Variants in VPS13B observed in about 807,000 individuals in gnomAD.
VPS13B encodes vacuolar protein sorting 13 homolog B.
A neutral mutation model predicts 426.4 loss-of-function variants in VPS13B; 285 were observed. The observed-to-expected ratio is 0.67, with a 90% CI of 0.61 to 0.74. The LOEUF (loss-of-function observed/expected upper bound fraction) is 0.74. VPS13B is among the 30% of genes least tolerant of loss of function. The pLI, the probability that VPS13B is intolerant of heterozygous loss-of-function variation, is 0.00. For synonymous variants in VPS13B, 1,676 were observed against 1,676.4 expected (o/e 1.00, Z 0.01); for missense variants, 4,537 against 4,782.6 (o/e 0.95, Z 1.51).
At chr8:99,221,600 T>C (rs1375413843) in intron 17 of VPS13B, among the ~76,000 whole-genome samples, 1 of 152,230 alleles carries the variant, frequency 6.6e-6, no homozygotes, top group African/African-American at 2.4e-5. Flanking sequence ...TTTAAATTCT[T>C]TTAGCTAATA....
intron 33 of VPS13B, among the ~76,000 whole-genome samples, chr8:99,598,060 A>G (rs1245669280): frequency 1.3e-5 from 2 of 152,200 alleles, no homozygotes; most frequent in African/African-American, 4.8e-5. Flanking sequence ...TTTGAGGGAG[A>G]CAGATAGGTT....
At chr8:99,645,937 C>T (rs948149858) in intron 34 of VPS13B, among the ~76,000 whole-genome samples, 1 of 152,016 alleles carries the variant, frequency 6.6e-6, no homozygotes, top group African/African-American at 2.4e-5. Flanking sequence ...AGATAGTAAC[C>T]TTAAGGATAA....
chr8:99,379,204 C>G (rs934676655), intron 19 of VPS13B, among the ~76,000 whole-genome samples: 1 of 152,172 alleles, frequency 6.6e-6, no homozygotes, highest in African/African-American at 2.4e-5. Flanking sequence ...CTCCACCCCC[C>G]AAATCCGTGG....
chr8:99,202,085 T>G (rs1814365678), intron 17 of VPS13B, among the ~76,000 whole-genome samples: 1 of 152,228 alleles, frequency 6.6e-6, no homozygotes. Context: ...TGGAAGTTGT[T>G]CTAGGATATA....
At chr8:99,675,227 T>C (rs898877251) in intron 35 of VPS13B, among the ~76,000 whole-genome samples, 1 of 152,166 alleles carries the variant, frequency 6.6e-6, no homozygotes, top group African/African-American at 2.4e-5. Context: ...TGCAGGTTAG[T>C]TAATTAGTTT....
intron 25 of VPS13B, among the ~76,000 whole-genome samples, chr8:99,487,542 C>G (rs1385793465): frequency 6.6e-6 from 1 of 152,150 alleles, no homozygotes; most frequent in African/African-American, 2.4e-5. Flanking sequence ...TAACCACTAT[C>G]TATTTCTAGA....
chr8:99,467,731 C>A, intron 24 of VPS13B, 97 bp downstream of exon 24: 1 of 1,298,078 alleles, frequency 7.7e-7, no homozygotes, highest in Non-Finnish European at 1.1e-6. Context: ...TCTTGAGTAT[C>A]CTAAATTATT....
chr8:99,621,792 T>TTTTG (rs995687549), intron 33 of VPS13B, among the ~76,000 whole-genome samples: 2 of 151,712 alleles, frequency 1.3e-5, no homozygotes, highest in African/African-American at 2.4e-5. Context: ...TCATTCCTTT[T>TTTTG]TTTGTTTGTT....
chr8:99,060,614 CA>C (rs11413404), intron 3 of VPS13B, among the ~76,000 whole-genome samples: 41 of 148,580 alleles, frequency 2.8e-4, no homozygotes, highest in East Asian at 1.4e-3. Flanking sequence ...ATCTCAAAAA[CA>C]AAAAAAAAAA....
intron 10 of VPS13B, 49 bp downstream of exon 10, chr8:99,135,186 A>T: frequency 1.2e-6 from 2 of 1,609,372 alleles, no homozygotes; most frequent in Non-Finnish European, 1.7e-6. Context: ...AGGAATAATT[A>T]AGTGCTTACT....
intron 19 of VPS13B, among the ~76,000 whole-genome samples, chr8:99,369,855 A>G (rs1276120266): frequency 1.3e-5 from 2 of 152,122 alleles, no homozygotes; most frequent in African/African-American, 4.8e-5. Flanking sequence ...CAGTGATTCT[A>G]TATTTTTTAT....
intron 17 of VPS13B, among the ~76,000 whole-genome samples, chr8:99,262,455 G>C (rs1460898881): frequency 6.6e-6 from 1 of 152,006 alleles, no homozygotes; most frequent in African/African-American, 2.4e-5. Context: ...GAACTAACTA[G>C]CTTTCTTGGT....
chr8:99,855,760 C>A (rs1470232522), intron 56 of VPS13B, among the ~76,000 whole-genome samples: 1 of 152,190 alleles, frequency 6.6e-6, no homozygotes, highest in Non-Finnish European at 1.5e-5. Context: ...TATCTAGACT[C>A]TTTTATAAAA....
rs1235245438 is a variant in VPS13B, at chr8:99,577,567, T to G, written c.5154T>G (p.Val1718=). The G allele has an allele frequency of 1.2e-6, 2 of 1,613,774 alleles. No individual in the cohort carries two copies. Among genetic ancestry groups the G allele is most frequent in the Non-Finnish European group, 1.7e-6 (2 of 1,179,804 alleles). The part of the protein sequence containing the change: ...NLDFFLSVAQ[V]QLLHQLIVAN... Reference sequence around the variant, plus strand: ...ACTTCTTCCTAAGTGTGGCTCAAGTTCAACTCTTACATCAGTTAATAGTAG... The same window carrying G: ...ACTTCTTCCTAAGTGTGGCTCAAGTGCAACTCTTACATCAGTTAATAGTAG... Residue 1718 remains valine (V), a synonymous_variant, in exon 33 of 62, where the codon GTT becomes GTG. Transcript: ENST00000357162.
chr8:99,328,256 C>T (rs933426230), intron 19 of VPS13B, among the ~76,000 whole-genome samples: 4 of 152,110 alleles, frequency 2.6e-5, no homozygotes, highest in African/African-American at 9.7e-5. Flanking sequence ...CATCCCTGAA[C>T]CAAGTCCGTG....
In VPS13B at chr8:99,080,863, C is replaced by G. The variant is rs983608529; in HGVS notation, c.292-15449C>G. On this transcript the variant is annotated intron_variant, in intron 3 of 61. Coordinates refer to ENST00000357162, the MANE Select transcript of VPS13B (RefSeq NM_152564.5). The stretch of plus-strand genomic sequence containing the variant: ...TTTTAACAGAAAGGTCATTATCTCT[C>G]TATTTCACCATCTTCTTCTTGTCTT... 1.6e-4 allele frequency among the ~76,000 whole-genome samples: 25 copies of G among 152,270 alleles called. 1 individual carries two copies. Among genetic ancestry groups the G allele is most frequent in the African/African-American group, 5.8e-4 (24 of 41,562 alleles).
chr8:99,704,367 A>G (rs1283722053), intron 36 of VPS13B, among the ~76,000 whole-genome samples: 3 of 152,196 alleles, frequency 2.0e-5, no homozygotes, highest in Admixed American at 6.5e-5. Context: ...GTGGAGCTCC[A>G]ACTTTTCATT....
At chr8:99,034,787 G>A (rs528298844) in intron 2 of VPS13B, among the ~76,000 whole-genome samples, 1 of 152,182 alleles carries the variant, frequency 6.6e-6, no homozygotes, top group South Asian at 2.1e-4. Flanking sequence ...GTCCTGTTTT[G>A]TCATTGCTTT....
Position 99,087,136 on chromosome 8 carries a change from T to A in VPS13B, c.292-9176T>A, listed in dbSNP as rs1047799391. On this transcript the variant is annotated intron_variant, in intron 3 of 61. Coordinates refer to ENST00000357162, the MANE Select transcript of VPS13B (RefSeq NM_152564.5). The stretch of plus-strand genomic sequence containing the variant: ...GAGCTTCCAGGCCGCTTTGTTTACC[T>A]ACTCATGCCTCAGCAATGGCGGGCG... Among the ~76,000 whole-genome samples, 447 of 152,330 alleles carry A rather than the reference T, an allele frequency of 2.9e-3. 6 individuals carry two copies. The highest frequency in any genetic ancestry group is 6.6e-4 in the Non-Finnish European group (45 of 68,020).
Sources: allele counts gnomAD v4.1 joint callset (sites outside exome capture counted in the v4.1 genomes callset), GRCh38; gene constraint gnomAD v4.1.1; transcripts MANE v1.5; gene names NCBI Gene and HGNC (gene_info 2026-07-23, HGNC 2026-07-21).